UNC13C: variants seen among roughly 807,000 people sequenced by gnomAD.
UNC13C encodes protein unc-13 homolog C.
UNC13C carries 174 observed loss-of-function variants against 245.4 expected under a neutral mutation model. The observed-to-expected ratio is 0.71, with a 90% CI of 0.63 to 0.80. The LOEUF is 0.80. Ranked by LOEUF, UNC13C falls within the 30% of genes least tolerant of loss-of-function variation. The probability of loss-of-function intolerance (pLI) is 0.00; values close to 1 mark genes in which losing one functional copy is unlikely to be tolerated. For synonymous variants in UNC13C, 992 were observed against 895.1 expected, an observed-to-expected ratio of 1.11 and a Z score of -1.93; for missense variants, 2,829 against 2,602.9, an observed-to-expected ratio of 1.09 and a Z score of -1.89.
At chr15:54,530,182 A>G (rs1380950308) in intron 25 of UNC13C, among the ~76,000 whole-genome samples, 1 of 152,206 alleles carries the variant, frequency 6.6e-6, no homozygotes, top group African/African-American at 2.4e-5. Context: ...TGTAAAAATT[A>G]TGTATATTTA....
intron 18 of UNC13C, among the ~76,000 whole-genome samples, chr15:54,408,826 T>C (rs2040360872): frequency 6.6e-6 from 1 of 152,252 alleles, no homozygotes; most frequent in Non-Finnish European, 1.5e-5. Flanking sequence ...TCATATTTTA[T>C]ATGCTAATCT....
intron 4 of UNC13C, among the ~76,000 whole-genome samples, chr15:54,219,699 A>C (rs910298876): frequency 6.1e-4 from 92 of 151,970 alleles, no homozygotes; most frequent in African/African-American, 2.2e-3. Flanking sequence ...CAACCTACTC[A>C]TCTGTCAAAG....
chr15:54,336,419 T>C (rs940551734), intron 16 of UNC13C, among the ~76,000 whole-genome samples: 1 of 152,070 alleles, frequency 6.6e-6, no homozygotes, highest in Non-Finnish European at 1.5e-5. Context: ...TTTTGCCTTG[T>C]TTGTGCCTTG....
At chr15:54,346,957 T>A (rs1355509) in intron 17 of UNC13C, among the ~76,000 whole-genome samples, 9,796 of 152,182 alleles carry the variant, frequency 0.064, 384 homozygotes, top group Admixed American at 0.11. Context: ...TTCAAACAGA[T>A]TGAAAGTGTT....
intron 7 of UNC13C, among the ~76,000 whole-genome samples, chr15:54,245,752 T>C (rs2035974430): frequency 6.6e-6 from 1 of 152,136 alleles, no homozygotes; most frequent in African/African-American, 2.4e-5. Context: ...AGTAGATATA[T>C]TTTTTTCTGG....
At chr15:53,919,402 C>T in the UNC13C span, among the ~76,000 whole-genome samples, 5 of 152,240 alleles carry the variant, frequency 3.3e-5, no homozygotes, top group South Asian at 2.1e-4. Context: ...AGTGAATCAG[C>T]GCTCTTAGGG....
intron 2 of UNC13C, among the ~76,000 whole-genome samples, chr15:54,134,583 G>A (rs1048660861): frequency 6.6e-6 from 1 of 151,952 alleles, no homozygotes; most frequent in African/African-American, 2.4e-5. Flanking sequence ...GCAGTGGCGC[G>A]ATCTCAGCTC....
At chr15:54,294,697 A>T (rs2037385239) in intron 11 of UNC13C, among the ~76,000 whole-genome samples, 1 of 152,184 alleles carries the variant, frequency 6.6e-6, no homozygotes, top group Non-Finnish European at 1.5e-5. Flanking sequence ...GTAGTAAAAT[A>T]TATGGGTCAC....
At chr15:53,895,285 A>G in the UNC13C span, among the ~76,000 whole-genome samples, 8 of 144,410 alleles carry the variant, frequency 5.5e-5, no homozygotes, top group African/African-American at 2.1e-4. Flanking sequence ...AATAGCTTGA[A>G]CCCAGGAGTC....
chr15:54,626,939 G>T lies in UNC13C; in HGVS notation c.6471G>T (p.Gln2157His). ...RIIGMTVIQL[Q>H]NIAEKGSYGA... ...TCGGAATGACAGTCATTCAGCTACA[G>T]AACATAGCAGAAAAGGGAAGCTATG... is the stretch of plus-strand genomic sequence containing the variant. The change falls in exon 33 of 33, where the codon CAG (glutamine) becomes CAT (histidine). Residue 2157 changes from glutamine (Q) to histidine (H), a missense_variant. By Grantham distance (24) the Gln-to-His change is conservative. Coordinates refer to ENST00000260323, the MANE Select transcript of UNC13C (RefSeq NM_001080534.3). 1 of 1,613,440 alleles carries T rather than the reference G, an allele frequency of 6.2e-7. No homozygotes were observed. The highest frequency in any genetic ancestry group is 1.1e-5 in the South Asian group (1 of 91,058).
chr15:54,322,091 T>C lies in UNC13C; in HGVS notation c.4421T>C (p.Phe1474Ser). The C allele has an allele frequency of 6.4e-7, 1 of 1,563,010 alleles. No homozygotes were observed. Among genetic ancestry groups the C allele is most frequent in the Non-Finnish European group, 8.7e-7 (1 of 1,155,200 alleles). ...SASDRFAATN[F>S]GREKFIKLLD... The stretch of plus-strand genomic sequence containing the variant: ...TCAGATCGATTTGCTGCTACCAACT[T>C]TGGTGTAAGTATAATTTTTTAAACT... Residue 1474 changes from phenylalanine to serine, a missense_variant, in exon 14 of 33, where the codon TTT (phenylalanine) becomes TCT (serine). Physicochemically the swap from Phe to Ser is radical, Grantham distance 155 (BLOSUM62 -2). Transcript: ENST00000260323.
At chr15:54,448,872 A>G (rs1890990623) in intron 19 of UNC13C, among the ~76,000 whole-genome samples, 1 of 152,148 alleles carries the variant, frequency 6.6e-6, no homozygotes, top group Admixed American at 6.5e-5. Context: ...CCTAGCCTCG[A>G]TGGTCTTTAC....
intron 16 of UNC13C, among the ~76,000 whole-genome samples, chr15:54,337,940 C>T (rs1383172662): frequency 6.6e-6 from 1 of 152,134 alleles, no homozygotes; most frequent in Non-Finnish European, 1.5e-5. Flanking sequence ...CTCTGTTTTA[C>T]TTTTCAACAT....
intron 2 of UNC13C, among the ~76,000 whole-genome samples, chr15:54,112,300 C>T (rs1169979565): frequency 6.6e-6 from 1 of 152,082 alleles, no homozygotes; most frequent in Non-Finnish European, 1.5e-5. Flanking sequence ...AGCTCTCTTT[C>T]CTGCAGAGAG....
intron 8 of UNC13C, among the ~76,000 whole-genome samples, chr15:54,254,440 AG>A (rs1450142595): frequency 6.6e-6 from 1 of 152,218 alleles, no homozygotes; most frequent in African/African-American, 2.4e-5. Flanking sequence ...GAAACTTGGA[AG>A]TAGGATTCCT....
At chr15:54,495,303 A>G (rs1893900590) in intron 20 of UNC13C, among the ~76,000 whole-genome samples, 1 of 152,100 alleles carries the variant, frequency 6.6e-6, no homozygotes, top group Non-Finnish European at 1.5e-5. Context: ...GCTGTAGAGC[A>G]ATAGAAAATA....
chr15:54,202,243 C>A (rs1271345619), intron 4 of UNC13C, among the ~76,000 whole-genome samples: 1 of 151,876 alleles, frequency 6.6e-6, no homozygotes, highest in East Asian at 1.9e-4. Context: ...GACCATACTG[C>A]CAAAAGCAAT....
chr15:54,301,593 C>T (rs1408952963), intron 13 of UNC13C, among the ~76,000 whole-genome samples: 1 of 152,122 alleles, frequency 6.6e-6, no homozygotes, highest in Non-Finnish European at 1.5e-5. Flanking sequence ...CCAGCTTCAA[C>T]AATGTCCCTG....
At chr15:54,112,814 A>T (rs187423175) in intron 2 of UNC13C, among the ~76,000 whole-genome samples, 8 of 152,300 alleles carry the variant, frequency 5.3e-5, no homozygotes, top group Non-Finnish European at 1.0e-4. Flanking sequence ...CTCAGAGCCA[A>T]CCCAAGTTAC....
Sources: allele counts gnomAD v4.1 joint callset (sites outside exome capture counted in the v4.1 genomes callset), GRCh38; gene constraint gnomAD v4.1.1; transcripts MANE v1.5; gene names NCBI Gene and HGNC (gene_info 2026-07-23, HGNC 2026-07-21).